DPP6: variants seen among roughly 807,000 people sequenced by gnomAD.
DPP6 encodes the protein dipeptidyl peptidase like 6.
DPP6 carries 69 observed loss-of-function variants against 122.6 expected under a neutral mutation model. The observed-to-expected ratio is 0.56, with a 90% CI of 0.46 to 0.69. The LOEUF (loss-of-function observed/expected upper bound fraction) is 0.69. Ranked by LOEUF, DPP6 falls within the 30% of genes least tolerant of loss-of-function variation. DPP6 has a pLI of 0.00. For missense variants in DPP6, 928 were observed against 1,116.9 expected, an observed-to-expected ratio of 0.83 and a Z score of 2.41; for synonymous variants, 418 against 433.1, an observed-to-expected ratio of 0.97 and a Z score of 0.43.
At chr7:153,909,903 C>T (rs1483212067) in intron 1 of DPP6, among the ~76,000 whole-genome samples, 1 of 152,066 alleles carries the variant, frequency 6.6e-6, no homozygotes, top group Non-Finnish European at 1.5e-5. Flanking sequence ...ACACTGCACC[C>T]AGACAGGTTT....
chr7:153,879,195 A>T, the DPP6 span, among the ~76,000 whole-genome samples: 4 of 152,096 alleles, frequency 2.6e-5, no homozygotes, highest in Non-Finnish European at 5.9e-5. Flanking sequence ...ATGTGAGTGG[A>T]TGAAAAAAGA....
At chr7:154,871,833 C>G (rs1429059364) in intron 18 of DPP6, among the ~76,000 whole-genome samples, 7 of 152,214 alleles carry the variant, frequency 4.6e-5, no homozygotes, top group Non-Finnish European at 8.8e-5. Flanking sequence ...CTTTGGTAAT[C>G]TGGGTTGTAG....
Position 154,311,616 on chromosome 7 carries a change from A to G in DPP6, c.244-134598A>G, listed in dbSNP as rs143330747. Among the ~76,000 whole-genome samples, 6 of 152,310 alleles carry G rather than the reference A, an allele frequency of 3.9e-5. No homozygotes were observed. The East Asian group carries it at 7.7e-4, about 20-fold the overall frequency. On this transcript the variant is annotated intron_variant, in intron 1 of 25. Transcript: ENST00000377770. ...TAAAGTCCTTCCTGACTTTGATAGC[A>G]TGTGTTTCTTGAAGTGGGGAGTGGA...
At chr7:154,597,174 CAGAG>C (rs10625377) in intron 5 of DPP6, among the ~76,000 whole-genome samples, 10 of 148,908 alleles carry the variant, frequency 6.7e-5, no homozygotes, top group Non-Finnish European at 1.5e-4. Flanking sequence ...GGAGAGAAGA[CAGAG>C]AGAGAGAGGG....
At chr7:154,574,694 G>T (rs1831390648) in intron 5 of DPP6, among the ~76,000 whole-genome samples, 1 of 136,216 alleles carries the variant, frequency 7.3e-6, no homozygotes, top group African/African-American at 2.7e-5. Flanking sequence ...ATATGTATAT[G>T]TGTGTGGTGT....
At chr7:153,838,485 GTGTTACCA>G in the DPP6 span, among the ~76,000 whole-genome samples, 1 of 152,142 alleles carries the variant, frequency 6.6e-6, no homozygotes, top group Non-Finnish European at 1.5e-5. Flanking sequence ...AGTGAGAATT[GTGTTACCA>G]TGTAACTATT....
intron 3 of DPP6, among the ~76,000 whole-genome samples, chr7:154,488,691 C>T (rs1824010262): frequency 6.6e-6 from 1 of 151,900 alleles, no homozygotes; most frequent in Non-Finnish European, 1.5e-5. Context: ...GCGAGGCCAT[C>T]GTCTCTACAC....
intron 3 of DPP6, among the ~76,000 whole-genome samples, chr7:154,521,158 C>T (rs1427292144): frequency 1.1e-4 from 16 of 152,102 alleles, no homozygotes; most frequent in Admixed American, 1.0e-3. Flanking sequence ...TCCTTTTGTT[C>T]GTTATCAGGA....
At chr7:154,466,572 A>C (rs1369340722) in intron 2 of DPP6, among the ~76,000 whole-genome samples, 2 of 152,144 alleles carry the variant, frequency 1.3e-5, no homozygotes, top group Non-Finnish European at 2.9e-5. Context: ...CCTCTTTTTT[A>C]AGTACAGTAG....
chr7:154,305,432 G>A (rs1284091230), intron 1 of DPP6: 5 of 1,479,390 alleles, frequency 3.4e-6, no homozygotes, highest in East Asian at 5.2e-5. Flanking sequence ...CTTGGACTCT[G>A]GTGGCTCCCA....
chr7:153,911,002 T>G (rs1438260404), intron 1 of DPP6, among the ~76,000 whole-genome samples: 1 of 152,184 alleles, frequency 6.6e-6, no homozygotes, highest in Non-Finnish European at 1.5e-5. Flanking sequence ...AGAGACAAAT[T>G]ATGAGTCCAG....
Position 153,998,436 on chromosome 7 carries a change from G to T in DPP6, c.51+110702G>T, listed in dbSNP as rs543678678. On this transcript the variant is annotated intron_variant, in intron 1 of 25. Transcript: ENST00000404039. Reference sequence around the variant, plus strand: ...TAGGTTGTAGAAAAGGATGCTGGGGGAGCTGTCATCCCAGACCCTTAAATG... The same window carrying T: ...TAGGTTGTAGAAAAGGATGCTGGGGTAGCTGTCATCCCAGACCCTTAAATG... Among the ~76,000 whole-genome samples the T allele has an allele frequency of 9.2e-5, 14 of 152,248 alleles. 1 individual carries two copies. The South Asian group carries it at 2.9e-3, about 32-fold the overall frequency.
At chr7:154,126,247 G>A (rs1807875532) in intron 1 of DPP6, among the ~76,000 whole-genome samples, 1 of 152,074 alleles carries the variant, frequency 6.6e-6, no homozygotes, top group Non-Finnish European at 1.5e-5. Context: ...TTGGTTGGTT[G>A]GTTGGTTAAA....
At chr7:154,661,986 G>C (rs1192695838) in intron 6 of DPP6, among the ~76,000 whole-genome samples, 3 of 142,696 alleles carry the variant, frequency 2.1e-5, no homozygotes, top group Admixed American at 6.9e-5. Flanking sequence ...GTGTATTGGC[G>C]CTAGTGTTCA....
intron 1 of DPP6, among the ~76,000 whole-genome samples, chr7:154,010,328 A>T (rs1300944922): frequency 1.3e-5 from 2 of 152,252 alleles, no homozygotes; most frequent in Non-Finnish European, 2.9e-5. Flanking sequence ...AGACACATAC[A>T]ACGGAAGCCC....
intron 3 of DPP6, among the ~76,000 whole-genome samples, chr7:154,539,583 T>G (rs774161573): frequency 6.6e-6 from 1 of 151,618 alleles, no homozygotes; most frequent in African/African-American, 2.4e-5. Flanking sequence ...TATACATATG[T>G]AACAAACCTG....
chr7:153,998,298 A>G (rs1268850899), intron 1 of DPP6, among the ~76,000 whole-genome samples: 2 of 152,222 alleles, frequency 1.3e-5, no homozygotes, highest in African/African-American at 4.8e-5. Flanking sequence ...TGAATATTCA[A>G]TCAAATATTC....
chr7:154,098,698 G>C (rs376474124), intron 1 of DPP6, among the ~76,000 whole-genome samples: 2 of 149,608 alleles, frequency 1.3e-5, no homozygotes, highest in Non-Finnish European at 2.9e-5. Flanking sequence ...GATATCTATA[G>C]TTTGCCTGCA....
rs185917376 is a variant in DPP6, at chr7:154,655,448, C to G, written c.681-13912C>G. On this transcript the variant is annotated intron_variant, in intron 6 of 25. Coordinates refer to ENST00000377770, the MANE Select transcript of DPP6 (RefSeq NM_130797.4). ...CATCATTTTTTTTTAACTAATCCAT[C>G]TCTACCCAGGAGATGATTCATCACA... 2.0e-3 allele frequency among the ~76,000 whole-genome samples: 310 copies of G among 152,160 alleles called. 6 individuals carry two copies. Among genetic ancestry groups the G allele is most frequent in the Admixed American group, 0.018 (268 of 15,296 alleles).
Sources: allele counts gnomAD v4.1 joint callset (sites outside exome capture counted in the v4.1 genomes callset), GRCh38; gene constraint gnomAD v4.1.1; transcripts MANE v1.5; gene names NCBI Gene and HGNC (gene_info 2026-07-23, HGNC 2026-07-21).